The following STK31 variants were observed in gnomAD, a reference collection of about 807,000 sequenced individuals.
STK31 encodes serine/threonine kinase 31, also known as serine/threonine-protein kinase 31.
STK31 carries 89 observed loss-of-function variants against 129.7 expected under a neutral mutation model. That is an observed-to-expected ratio of 0.69 (90% CI 0.58 to 0.82). The LOEUF is 0.82. Among genes scored for constraint, STK31 ranks in the 40% least tolerant of loss-of-function variants. The probability of loss-of-function intolerance (pLI) is 0.00; values close to 1 mark genes in which losing one functional copy is unlikely to be tolerated. For synonymous variants in STK31, 448 were observed against 395.3 expected, an observed-to-expected ratio of 1.13 and a Z score of -1.58; for missense variants, 1,187 against 1,176.4, an observed-to-expected ratio of 1.01 and a Z score of -0.13.
At chr7:23,791,988 A>T (rs2193829) in intron 22 of STK31, among the ~76,000 whole-genome samples, 152,035 of 152,338 alleles carry the variant, frequency 1, 75,868 homozygotes, top group Middle Eastern at 1. Context: ...TTCATGTAGT[A>T]TGCATGTGCA....
intron 3 of STK31, 22 bp downstream of exon 3, chr7:23,712,308 A>T: frequency 6.2e-7 from 1 of 1,606,702 alleles, no homozygotes; most frequent in African/African-American, 1.3e-5. Context: ...ACTGGTTGAT[A>T]TCCCCCCTCA....
At chr7:23,787,741 TACACACACACACAC>T (rs71888376) in intron 20 of STK31, among the ~76,000 whole-genome samples, 179 of 145,564 alleles carry the variant, frequency 1.2e-3, no homozygotes, top group East Asian at 3.5e-3. Context: ...GGTATGATTG[TACACACACACACAC>T]ACACACACAC....
chr7:23,783,245 G>A lies in STK31; in HGVS notation c.2068-338G>A, dbSNP rs907120743. ...AGTCTGTAAGTGGTTGAAGTATGGC[G>A]GCTGGGATTGGCCAAGACTCAGCTA... On this transcript the variant is annotated intron_variant, in intron 16 of 23. Coordinates refer to ENST00000355870, the MANE Select transcript of STK31 (RefSeq NM_031414.5). 2.6e-5 allele frequency among the ~76,000 whole-genome samples: 4 copies of A among 152,150 alleles called. No individual in the cohort carries two copies. In the East Asian group the frequency reaches 7.7e-4, roughly 29 times the overall value.
chr7:23,831,505 A>C (rs1204811076), intron 23 of STK31, among the ~76,000 whole-genome samples: 1 of 152,236 alleles, frequency 6.6e-6, no homozygotes, highest in East Asian at 1.9e-4. Flanking sequence ...CATTTAAAAA[A>C]AAGAAAAACT....
intron 22 of STK31, among the ~76,000 whole-genome samples, chr7:23,814,637 T>C (rs1793356806): frequency 6.6e-6 from 1 of 152,142 alleles, no homozygotes. Context: ...TTGTTAGGGC[T>C]AGGGGATGAA....
chr7:23,788,299 A>G (rs1791418411), intron 21 of STK31, among the ~76,000 whole-genome samples, 170 bp downstream of exon 21: 1 of 152,080 alleles, frequency 6.6e-6, no homozygotes, highest in Admixed American at 6.5e-5. Context: ...CTAGAACAGC[A>G]GGAGTATTGT....
intron 1 of STK31, chr7:23,710,542 C>A: frequency 7.0e-7 from 1 of 1,422,952 alleles, no homozygotes; most frequent in Non-Finnish European, 9.2e-7. Context: ...AAAAGACCTC[C>A]GGCCTGAATG....
chr7:23,717,321 T>C (rs1168710963), intron 3 of STK31, among the ~76,000 whole-genome samples, 160 bp from the exon 4 acceptor site: 1 of 151,964 alleles, frequency 6.6e-6, no homozygotes, highest in African/African-American at 2.4e-5. Flanking sequence ...TCATTTCTTA[T>C]AAATAACTCA....
At chr7:23,760,266 G>T (rs1355554878) in intron 10 of STK31, among the ~76,000 whole-genome samples, 2 of 150,940 alleles carry the variant, frequency 1.3e-5, no homozygotes, top group Admixed American at 6.6e-5. Flanking sequence ...AATATTTGTG[G>T]TTTCTGCCTC....
chr7:23,819,981 C>G (rs1793706054), intron 23 of STK31, among the ~76,000 whole-genome samples: 1 of 152,166 alleles, frequency 6.6e-6, no homozygotes, highest in African/African-American at 2.4e-5. Context: ...CCCTTCCAGA[C>G]AGAGAAGCTT....
At position 23,817,891 on chromosome 7, in the gene STK31, G is replaced by A. The variant is rs181462973; in HGVS notation, c.2829+2679G>A. 4.9e-4 allele frequency among the ~76,000 whole-genome samples: 74 copies of A among 150,070 alleles called. No individual in the cohort carries two copies. The East Asian group carries it at 1.0e-2, about 20-fold the overall frequency. On this transcript the variant is annotated intron_variant, in intron 23 of 23. Coordinates refer to ENST00000355870, the MANE Select transcript of STK31 (RefSeq NM_031414.5). ...TCAGTCTTCTCTCTTTTTTTTCTTC[G>A]TTAGTCCAAATAAGTTTAAATACCT...
At chr7:23,789,030 A>T (rs763386836) in intron 21 of STK31, among the ~76,000 whole-genome samples, 3 of 152,144 alleles carry the variant, frequency 2.0e-5, no homozygotes, top group Non-Finnish European at 4.4e-5. Context: ...GCCTATTTGG[A>T]CATCTCATGT....
At chr7:23,815,911 A>G (rs2128127683) in intron 23 of STK31, among the ~76,000 whole-genome samples, 1 of 152,286 alleles carries the variant, frequency 6.6e-6, no homozygotes, top group Middle Eastern at 3.4e-3. Context: ...TAAATATGGC[A>G]GTAAATGAGT....
At chr7:23,729,984 A>C (rs573429228) in intron 6 of STK31, among the ~76,000 whole-genome samples, 9 of 152,344 alleles carry the variant, frequency 5.9e-5, no homozygotes, top group African/African-American at 2.2e-4. Context: ...GCAGAGGCTC[A>C]TACTGTTTGA....
intron 23 of STK31, among the ~76,000 whole-genome samples, chr7:23,830,461 T>C (rs1794473122): frequency 6.6e-6 from 1 of 152,216 alleles, no homozygotes; most frequent in Non-Finnish European, 1.5e-5. Flanking sequence ...TCAATTGTTC[T>C]AAGACATTTT....
At chr7:23,726,525 A>G (rs563625166) in intron 4 of STK31, 123 of 147,050 alleles carry the variant, frequency 8.4e-4, no homozygotes, top group African/African-American at 3.1e-3. Flanking sequence ...CTGAGGTGGG[A>G]GGATCACTTG....
At chr7:23,720,109 TG>T (rs1382489091) in intron 4 of STK31, among the ~76,000 whole-genome samples, 7 of 152,140 alleles carry the variant, frequency 4.6e-5, no homozygotes, top group African/African-American at 1.7e-4. Flanking sequence ...GCTCAAATGA[TG>T]GATGGTTTAC....
At chr7:23,741,083 T>C (rs1168661413) in intron 8 of STK31, among the ~76,000 whole-genome samples, 1 of 152,166 alleles carries the variant, frequency 6.6e-6, no homozygotes. Context: ...ACTGCAGCCA[T>C]TATTCTTTTT....
intron 23 of STK31, among the ~76,000 whole-genome samples, chr7:23,830,747 G>A (rs1794496832): frequency 6.6e-6 from 1 of 152,038 alleles, no homozygotes; most frequent in East Asian, 1.9e-4. Context: ...AGCCTCTTGA[G>A]TAGCTGAGAT....
Sources: allele counts gnomAD v4.1 joint callset (sites outside exome capture counted in the v4.1 genomes callset), GRCh38; gene constraint gnomAD v4.1.1; transcripts MANE v1.5; gene names NCBI Gene and HGNC (gene_info 2026-07-23, HGNC 2026-07-21).